Variants in SAMD5 observed in about 807,000 individuals in gnomAD.
SAMD5 encodes the protein sterile alpha motif domain-containing protein 5.
SAMD5 carries 13 observed loss-of-function variants against 11.3 expected under a neutral mutation model. That is an observed-to-expected ratio of 1.15 (90% CI 0.75 to 1.83). SAMD5 has a LOEUF of 1.83. SAMD5 is among the 40% of genes most tolerant of loss of function. The probability of loss-of-function intolerance (pLI) is 0.00; values close to 1 mark genes in which losing one functional copy is unlikely to be tolerated. For synonymous variants in SAMD5, 129 were observed against 111.3 expected, an observed-to-expected ratio of 1.16 and a Z score of -1.00; for missense variants, 255 against 239.1, an observed-to-expected ratio of 1.07 and a Z score of -0.44.
At chr6:147,740,259 T>C (rs1791860977), downstream of SAMD5, among the ~76,000 whole-genome samples, 1 of 152,206 alleles carries the variant, frequency 6.6e-6, no homozygotes, top group South Asian at 2.1e-4. Context: ...TACCCAGAGA[T>C]ACGCATCAGG....
intron 1 of SAMD5, among the ~76,000 whole-genome samples, chr6:147,611,691 G>T (rs1789788981): frequency 6.6e-6 from 1 of 152,182 alleles, no homozygotes; most frequent in South Asian, 2.1e-4. Context: ...AAGATTTGGA[G>T]TTGAGCCAGT....
the SAMD5 span, among the ~76,000 whole-genome samples, chr6:147,905,598 G>T: frequency 3.9e-5 from 6 of 152,152 alleles, no homozygotes; most frequent in African/African-American, 1.4e-4. Context: ...CAATGTGTTG[G>T]TATGTAACTC....
At chr6:147,836,269 A>G in the SAMD5 span, among the ~76,000 whole-genome samples, 1 of 152,126 alleles carries the variant, frequency 6.6e-6, no homozygotes, top group Non-Finnish European at 1.5e-5. Flanking sequence ...TCCAAGTTCT[A>G]TTTATCTAGT....
In SAMD5 at chr6:147,568,012, G is replaced by A. The variant is rs577873652; in HGVS notation, c.*3556G>A. 2 of 985,310 alleles carry A rather than the reference G, an allele frequency of 2.0e-6. No homozygotes were observed. Among genetic ancestry groups the A allele is most frequent in the East Asian group, 1.1e-4 (1 of 8,810 alleles). The allele number at this position is 985,310 out of a possible 1,614,324, so 61.0% of individuals were successfully genotyped here. On this transcript the variant is annotated 3_prime_UTR_variant, in exon 2 of 2. Transcript: ENST00000367474. ...TAGGCACATGGACAGATTATATGAAGGTATTTCATTAGCTTTCTTCTCTTT... is the reference window on the plus strand; with the variant it reads ...TAGGCACATGGACAGATTATATGAAAGTATTTCATTAGCTTTCTTCTCTTT...
chr6:147,868,120 A>G, the SAMD5 span, among the ~76,000 whole-genome samples: 4 of 152,204 alleles, frequency 2.6e-5, no homozygotes, highest in Non-Finnish European at 4.4e-5. Flanking sequence ...GAACAGATTG[A>G]TTTCCCTTTA....
the SAMD5 span, among the ~76,000 whole-genome samples, chr6:147,769,968 CTGT>C: frequency 6.6e-6 from 1 of 152,202 alleles, no homozygotes. Flanking sequence ...CTGACACCTG[CTGT>C]TGTTGATTAG....
the SAMD5 span, among the ~76,000 whole-genome samples, chr6:147,940,600 G>C: frequency 1.3e-5 from 2 of 152,172 alleles, no homozygotes; most frequent in African/African-American, 4.8e-5. Context: ...CAAGTATCAT[G>C]TATTCTGCTT....
chr6:147,706,473 C>A lies in SAMD5; in HGVS notation c.163-30844C>A, dbSNP rs1791326486. On this transcript the variant is annotated intron_variant, in intron 1 of 1. Transcript: ENST00000566741. ...GAACTCCTGACTTCAGGTGATCTGACCACCTTGGCCTGCCAAAGTGCTGGG... is the reference window on the plus strand; with the variant it reads ...GAACTCCTGACTTCAGGTGATCTGAACACCTTGGCCTGCCAAAGTGCTGGG... Among the ~76,000 whole-genome samples the A allele has an allele frequency of 2.6e-5, 4 of 152,304 alleles. No homozygotes were observed. In the South Asian group the frequency reaches 8.3e-4, roughly 32 times the overall value.
At chr6:147,510,660 A>G (rs1316158003) in intron 1 of SAMD5, among the ~76,000 whole-genome samples, 2 of 152,236 alleles carry the variant, frequency 1.3e-5, no homozygotes, top group African/African-American at 4.8e-5. Context: ...AGATAACAAT[A>G]CCTAAGGTAG....
intron 1 of SAMD5, among the ~76,000 whole-genome samples, chr6:147,561,643 G>A (rs1028929516): frequency 6.6e-6 from 1 of 152,120 alleles, no homozygotes; most frequent in African/African-American, 2.4e-5. Flanking sequence ...ATAGGGGTGT[G>A]CCTAATAATT....
At chr6:147,883,994 CT>C in the SAMD5 span, among the ~76,000 whole-genome samples, 244 of 152,340 alleles carry the variant, frequency 1.6e-3, 1 homozygote, top group African/African-American at 5.6e-3. Flanking sequence ...CTGAGCCACT[CT>C]TTCCTCTTTA....
At chr6:147,807,315 G>GGAT in the SAMD5 span, among the ~76,000 whole-genome samples, 2 of 152,066 alleles carry the variant, frequency 1.3e-5, no homozygotes, top group Non-Finnish European at 2.9e-5. Flanking sequence ...GTGTTAGCCA[G>GGAT]GATGGTCTCG....
intron 1 of SAMD5, among the ~76,000 whole-genome samples, chr6:147,720,024 G>A (rs1397191104): frequency 1.3e-5 from 2 of 152,154 alleles, no homozygotes; most frequent in African/African-American, 2.4e-5. Flanking sequence ...TGCTCTGGCT[G>A]TGTTTTATCC....
intron 1 of SAMD5, among the ~76,000 whole-genome samples, chr6:147,525,405 A>C (rs1788321231): frequency 6.7e-6 from 1 of 149,676 alleles, no homozygotes; most frequent in African/African-American, 2.5e-5. Flanking sequence ...CTGGAGTGGG[A>C]ATACATTTTG....
chr6:147,917,842 G>A, the SAMD5 span, among the ~76,000 whole-genome samples: 1,393 of 152,060 alleles, frequency 9.2e-3, 15 homozygotes, highest in African/African-American at 0.031. Context: ...TGTTTTTGTC[G>A]GGTTTGTCAA....
the SAMD5 span, among the ~76,000 whole-genome samples, chr6:147,828,634 G>T: frequency 0.03 from 4,576 of 152,254 alleles, 98 homozygotes; most frequent in Middle Eastern, 0.051. Context: ...TCAGCTTTGG[G>T]ACTCAAACTG....
the SAMD5 span, among the ~76,000 whole-genome samples, chr6:147,855,657 C>T: frequency 3.3e-5 from 5 of 152,086 alleles, no homozygotes; most frequent in East Asian, 9.7e-4. Context: ...TTTGGGTTCA[C>T]GTGGCTAAGT....
At chr6:147,603,687 C>T (rs1011198298) in intron 1 of SAMD5, among the ~76,000 whole-genome samples, 2 of 152,058 alleles carry the variant, frequency 1.3e-5, no homozygotes, top group African/African-American at 2.4e-5. Flanking sequence ...TCCCAATTTC[C>T]TCACCAATAC....
At chr6:147,905,981 C>G in the SAMD5 span, among the ~76,000 whole-genome samples, 1 of 152,158 alleles carries the variant, frequency 6.6e-6, no homozygotes, top group Non-Finnish European at 1.5e-5. Flanking sequence ...GTCTCAGCAC[C>G]TGGTCCACAG....
Sources: allele counts gnomAD v4.1 joint callset (sites outside exome capture counted in the v4.1 genomes callset), GRCh38; gene constraint gnomAD v4.1.1; transcripts MANE v1.5; gene names NCBI Gene and HGNC (gene_info 2026-07-23, HGNC 2026-07-21).